Variants in FAM168B observed in about 807,000 individuals in gnomAD.
FAM168B encodes myelin-associated neurite-outgrowth inhibitor.
Under a neutral mutation model 21.8 loss-of-function variants are expected in FAM168B, and 19 were observed. The observed-to-expected ratio is 0.87, with a 90% CI of 0.61 to 1.28. The LOEUF is 1.28. Among genes scored for constraint, FAM168B ranks in the 50% most tolerant of loss-of-function variants. The pLI is 0.00. For synonymous variants in FAM168B, 126 were observed against 104.8 expected, an observed-to-expected ratio of 1.20 and a Z score of -1.24; for missense variants, 233 against 263.1, an observed-to-expected ratio of 0.89 and a Z score of 0.79.
At chr2:131,061,916 G>A (rs1317259098) in intron 3 of FAM168B, among the ~76,000 whole-genome samples, 1 of 152,102 alleles carries the variant, frequency 6.6e-6, no homozygotes, top group Non-Finnish European at 1.5e-5. Flanking sequence ...GGCATAGGCT[G>A]GAAAAAAAGT....
chr2:131,061,740 G>A (rs891184811), intron 3 of FAM168B, among the ~76,000 whole-genome samples: 28 of 151,600 alleles, frequency 1.8e-4, no homozygotes, highest in African/African-American at 6.6e-4. Flanking sequence ...AGAGACTGCG[G>A]CAATGCACTC....
At position 131,048,962 on chromosome 2, in the gene FAM168B, C is replaced by T. The variant is rs1691475369; in HGVS notation, c.*3503G>A. On this transcript the variant is annotated 3_prime_UTR_variant, in exon 7 of 7. Coordinates refer to ENST00000389915, the MANE Select transcript of FAM168B (RefSeq NM_001009993.4). ...ATAAGGTGAAGGTGGCCCAACTGCT[C>T]AGAGTAACACTGTTCTCAAATGTTT... 4.1e-6 allele frequency: 4 copies of T among 985,630 alleles called. No homozygotes were observed. Among genetic ancestry groups the T allele is most frequent in the Non-Finnish European group, 4.8e-6 (4 of 829,972 alleles). 61.1% of individuals were successfully genotyped at this position (985,630 alleles called of 1,614,324 possible).
At chr2:131,067,477 A>G (rs1692622328) in intron 3 of FAM168B, among the ~76,000 whole-genome samples, 1 of 152,158 alleles carries the variant, frequency 6.6e-6, no homozygotes, top group African/African-American at 2.4e-5. Flanking sequence ...GTAGTGGCTC[A>G]CTCCTGTAAT....
chr2:131,083,688 G>A (rs1031580237), intron 1 of FAM168B, among the ~76,000 whole-genome samples: 3 of 152,162 alleles, frequency 2.0e-5, no homozygotes, highest in African/African-American at 7.2e-5. Flanking sequence ...AATGTTAAGT[G>A]AAAACAAAGT....
At chr2:131,084,459 C>T (rs961303197) in intron 1 of FAM168B, among the ~76,000 whole-genome samples, 3 of 151,960 alleles carry the variant, frequency 2.0e-5, no homozygotes, top group Non-Finnish European at 4.4e-5. Flanking sequence ...CTCAGCTTCC[C>T]GAGTAGATGG....
intron 5 of FAM168B, among the ~76,000 whole-genome samples, chr2:131,053,902 CAAAT>C (rs1368859096): frequency 6.6e-6 from 1 of 151,688 alleles, no homozygotes; most frequent in Non-Finnish European, 1.5e-5. Flanking sequence ...ATGGTAAAAA[CAAAT>C]AAATAAAAAA....
chr2:131,088,954 A>G (rs1196866878), intron 1 of FAM168B, among the ~76,000 whole-genome samples: 1 of 149,910 alleles, frequency 6.7e-6, no homozygotes, highest in African/African-American at 2.5e-5. Context: ...GGCTGGATCT[A>G]GAGCGTACCA....
chr2:131,055,428 G>A lies in FAM168B; in HGVS notation c.319C>T (p.Pro107Ser). ...YAQQGTYYTQ[P>S]LYAAPPHVIH... Reference sequence around the variant, plus strand: ...ACGTGAGGAGGTGCTGCATACAGCGGCTGTGTGTAGTACGTGCCTTGCTGT... The same window carrying A: ...ACGTGAGGAGGTGCTGCATACAGCGACTGTGTGTAGTACGTGCCTTGCTGT... Residue 107 changes from proline to serine, a missense_variant, in exon 5 of 7, where the codon CCG becomes TCG. Transcript: ENST00000389915. 1 of 1,609,500 alleles carries A rather than the reference G, an allele frequency of 6.2e-7. No individual in the cohort carries two copies. Among genetic ancestry groups the A allele is most frequent in the Non-Finnish European group, 8.5e-7 (1 of 1,178,564 alleles).
intron 3 of FAM168B, among the ~76,000 whole-genome samples, chr2:131,066,963 T>C (rs1447073954): frequency 2.0e-5 from 3 of 152,188 alleles, no homozygotes; most frequent in Non-Finnish European, 4.4e-5. Flanking sequence ...CTCACAATCA[T>C]GGTGGAAGGC....
chr2:131,063,837 A>G (rs987302933), intron 3 of FAM168B, among the ~76,000 whole-genome samples: 2 of 152,172 alleles, frequency 1.3e-5, no homozygotes, highest in Non-Finnish European at 2.9e-5. Context: ...AATTTTTTTA[A>G]TTAAAAATAG....
rs938882640 is a variant in FAM168B at position 131,049,957 on chromosome 2, T to C, written c.*2508A>G. Reference sequence around the variant, plus strand: ...CCTAAGTCCAGATTCTTACCTGATATCTACCTTTCGTATCTGACAGCTGAC... The same window carrying C: ...CCTAAGTCCAGATTCTTACCTGATACCTACCTTTCGTATCTGACAGCTGAC... On this transcript the variant is annotated 3_prime_UTR_variant, in exon 7 of 7. Coordinates refer to ENST00000389915, the MANE Select transcript of FAM168B (RefSeq NM_001009993.4). 3.7e-5 allele frequency: 36 copies of C among 985,512 alleles called. No individual in the cohort carries two copies. Among genetic ancestry groups the C allele is most frequent in the Non-Finnish European group, 4.2e-5 (35 of 829,944 alleles). The allele number at this position is 985,512 out of a possible 1,614,324, so 61.0% of individuals were successfully genotyped here.
rs563387544 is a variant in FAM168B, at chr2:131,086,817, G to C, written c.-11-4160C>G. Among the ~76,000 whole-genome samples the C allele has an allele frequency of 1.4e-4, 13 of 95,512 alleles. 2 individuals carry two copies. The South Asian group carries it at 4.7e-3, about 34-fold the overall frequency. 62.7% of individuals were successfully genotyped at this position (95,512 alleles called of 152,430 possible). Reference sequence around the variant, plus strand: ...GCGGTGGCTCACGCCTGTAATCCCAGCACTTTGGGAGGCCGAGGCGGGCGG... The same window carrying C: ...GCGGTGGCTCACGCCTGTAATCCCACCACTTTGGGAGGCCGAGGCGGGCGG... On this transcript the variant is annotated intron_variant, in intron 1 of 6. Coordinates refer to ENST00000389915, the MANE Select transcript of FAM168B (RefSeq NM_001009993.4).
chr2:131,086,369 A>G (rs887716832), intron 1 of FAM168B, among the ~76,000 whole-genome samples: 1 of 152,216 alleles, frequency 6.6e-6, no homozygotes, highest in Non-Finnish European at 1.5e-5. Flanking sequence ...GAGTTTTACA[A>G]TCTGGAAAAG....
intron 3 of FAM168B, among the ~76,000 whole-genome samples, chr2:131,068,317 C>T (rs1411962325): frequency 6.6e-6 from 1 of 152,176 alleles, no homozygotes; most frequent in East Asian, 1.9e-4. Flanking sequence ...TGCCACCACA[C>T]TCGGCTCATT....
rs984687399 is a variant in FAM168B, at chr2:131,055,142, G to A, written c.475+130C>T. The A allele has an allele frequency of 1.4e-5, 13 of 922,930 alleles. No homozygotes were observed. The South Asian group carries it at 2.4e-4, about 17-fold the overall frequency. 57.2% of individuals were successfully genotyped at this position (922,930 alleles called of 1,614,324 possible). A position where few individuals can be genotyped will look rare whatever the true frequency, so the allele number is the denominator to read the frequency against. On this transcript the variant is annotated intron_variant, in intron 5 of 6. Coordinates refer to ENST00000389915, the MANE Select transcript of FAM168B (RefSeq NM_001009993.4). ...GATAACCTGCTGTTTCTTCCCCAAA[G>A]AATTTTCTGTCCTTCCACACAACTA...
At chr2:131,059,264 T>A (rs1692177728) in intron 3 of FAM168B, among the ~76,000 whole-genome samples, 1 of 152,130 alleles carries the variant, frequency 6.6e-6, no homozygotes, top group Admixed American at 6.5e-5. Flanking sequence ...TTTTATGCAG[T>A]CTTGGCAAGC....
intron 1 of FAM168B, among the ~76,000 whole-genome samples, chr2:131,088,959 G>T (rs539723280): frequency 3.4e-5 from 5 of 145,076 alleles, no homozygotes; most frequent in Non-Finnish European, 7.4e-5. Context: ...GATCTAGAGC[G>T]TACCACTTTT....
chr2:131,090,966 G>A (rs565853402), intron 1 of FAM168B, among the ~76,000 whole-genome samples: 1 of 152,264 alleles, frequency 6.6e-6, no homozygotes, highest in Non-Finnish European at 1.5e-5. Context: ...ACCTGACCTC[G>A]TGATATGCCA....
chr2:131,055,438 G>A lies in FAM168B; in HGVS notation c.309C>T (p.Tyr103=). 6.2e-7 allele frequency: 1 copy of A among 1,609,392 alleles called. No individual in the cohort carries two copies. Among genetic ancestry groups the A allele is most frequent in the Non-Finnish European group, 8.5e-7 (1 of 1,178,624 alleles). The change falls in exon 5 of 7, where the codon TAC becomes TAT. Residue 103 remains tyrosine (Y), a synonymous_variant. Coordinates refer to ENST00000389915, the MANE Select transcript of FAM168B (RefSeq NM_001009993.4). The part of the protein sequence containing the change: ...QQSPYAQQGT[Y]YTQPLYAAPP... Reference sequence around the variant, plus strand: ...GTGCTGCATACAGCGGCTGTGTGTAGTACGTGCCTTGCTGTGGGGAGAAGA... The same window carrying A: ...GTGCTGCATACAGCGGCTGTGTGTAATACGTGCCTTGCTGTGGGGAGAAGA...
Sources: allele counts gnomAD v4.1 joint callset (sites outside exome capture counted in the v4.1 genomes callset), GRCh38; gene constraint gnomAD v4.1.1; transcripts MANE v1.5; gene names NCBI Gene and HGNC (gene_info 2026-07-23, HGNC 2026-07-21).